Variants in TAFA5 observed in about 807,000 individuals in gnomAD.
The protein encoded by TAFA5 is chemokine-like protein TAFA-5.
In TAFA5, 6 loss-of-function variants were observed where a neutral mutation model predicts 15.3. That is an observed-to-expected ratio of 0.39 (90% confidence interval 0.21 to 0.77). The LOEUF is 0.77. Among genes scored for constraint, TAFA5 ranks in the 30% least tolerant of loss-of-function variants. TAFA5 has a pLI of 0.41. For missense variants in TAFA5, 161 were observed against 193.1 expected, an observed-to-expected ratio of 0.83 and a Z score of 0.98; for synonymous variants, 103 against 80.7, an observed-to-expected ratio of 1.28 and a Z score of -1.48.
At chr22:48,599,676 G>T (rs892979748) in intron 1 of TAFA5, among the ~76,000 whole-genome samples, 1 of 152,260 alleles carries the variant, frequency 6.6e-6, no homozygotes, top group Non-Finnish European at 1.5e-5. Flanking sequence ...TGGAGGGTTT[G>T]GGAGCTGCCA....
chr22:48,742,534 T>C lies in TAFA5; in HGVS notation c.391-7305T>C, dbSNP rs1190907935. 1.3e-5 allele frequency among the ~76,000 whole-genome samples: 2 copies of C among 151,600 alleles called. No individual in the cohort carries two copies. The highest frequency in any genetic ancestry group is 4.8e-5 in the African/African-American group (2 of 41,280). On this transcript the variant is annotated intron_variant, in intron 3 of 3. Coordinates refer to ENST00000402357, the MANE Select transcript of TAFA5 (RefSeq NM_001082967.3). The surrounding 1 kb of genome is among the most constrained non-coding windows in gnomAD (Gnocchi z 6.2). ...TGGCGTGGCAGACCAGGCGACGTGGTGGACCCGGCCGCATGGTGGACCAGG... is the reference window on the plus strand; with the variant it reads ...TGGCGTGGCAGACCAGGCGACGTGGCGGACCCGGCCGCATGGTGGACCAGG...
chr22:48,561,012 G>A (rs1204052446), intron 1 of TAFA5, among the ~76,000 whole-genome samples: 2 of 152,178 alleles, frequency 1.3e-5, no homozygotes, highest in African/African-American at 2.4e-5. Context: ...CCCTGTGTGG[G>A]TGACACTGGG....
At chr22:48,645,769 G>A (rs541511318) in intron 1 of TAFA5, among the ~76,000 whole-genome samples, 5 of 152,092 alleles carry the variant, frequency 3.3e-5, no homozygotes, top group East Asian at 3.9e-4. Flanking sequence ...GCATGGGCAC[G>A]TGCACCCCTG....
chr22:48,699,259 A>G (rs130121), intron 2 of TAFA5, among the ~76,000 whole-genome samples: 93,930 of 151,944 alleles, frequency 0.62, 29,811 homozygotes, highest in African/African-American at 0.77. Flanking sequence ...GGAAAGACCC[A>G]CCCTACTGTT....
intron 1 of TAFA5, among the ~76,000 whole-genome samples, chr22:48,493,521 T>G (rs192741234): frequency 6.6e-6 from 1 of 152,378 alleles, no homozygotes; most frequent in Admixed American, 6.5e-5. Context: ...GTTCAAATTT[T>G]GTTCTGGAGT....
At chr22:48,586,327 T>C (rs1924359145) in intron 1 of TAFA5, among the ~76,000 whole-genome samples, 1 of 152,256 alleles carries the variant, frequency 6.6e-6, no homozygotes, top group African/African-American at 2.4e-5. Flanking sequence ...TTGCAGGTCT[T>C]GTGCTCCTCC....
chr22:48,551,586 A>T (rs112557328), intron 1 of TAFA5, among the ~76,000 whole-genome samples: 1 of 152,162 alleles, frequency 6.6e-6, no homozygotes, highest in African/African-American at 2.4e-5. Context: ...TTCAGCTCTA[A>T]ATATAGACCT....
At chr22:48,540,479 G>C (rs9615339) in intron 1 of TAFA5, among the ~76,000 whole-genome samples, 81,017 of 152,026 alleles carry the variant, frequency 0.53, 24,313 homozygotes, top group Middle Eastern at 0.72. Flanking sequence ...CTGGTCCCCT[G>C]AGGTCTAATG....
At chr22:48,578,093 T>C (rs1341361228) in intron 1 of TAFA5, among the ~76,000 whole-genome samples, 1 of 152,208 alleles carries the variant, frequency 6.6e-6, no homozygotes, top group African/African-American at 2.4e-5. Flanking sequence ...GGCCTGTTTG[T>C]GTTCGCGCTG....
At chr22:48,630,366 G>A (rs1007706694) in intron 1 of TAFA5, among the ~76,000 whole-genome samples, 17 of 152,300 alleles carry the variant, frequency 1.1e-4, no homozygotes, top group Non-Finnish European at 1.9e-4. Flanking sequence ...AGGGGCAGGC[G>A]CCCAGAGCTG....
At chr22:48,713,286 A>G (rs1221901565) in intron 3 of TAFA5, among the ~76,000 whole-genome samples, 1 of 152,238 alleles carries the variant, frequency 6.6e-6, no homozygotes, top group Non-Finnish European at 1.5e-5. Flanking sequence ...TGCAGACGGC[A>G]GCTGCCGCTG....
intron 3 of TAFA5, among the ~76,000 whole-genome samples, chr22:48,711,915 C>T (rs1215645429): frequency 1.3e-5 from 2 of 152,248 alleles, no homozygotes; most frequent in Non-Finnish European, 2.9e-5. Context: ...GAGTGTGGGT[C>T]GCCTAGCACG....
intron 3 of TAFA5, among the ~76,000 whole-genome samples, chr22:48,744,953 A>G (rs1385041535): frequency 2.0e-5 from 3 of 152,100 alleles, no homozygotes; most frequent in Admixed American, 6.5e-5. Context: ...ACGGGGTTTC[A>G]CCGTGTTAGT....
rs948915017 is a variant in TAFA5, at chr22:48,552,951, C to A, written c.112+63247C>A. On this transcript the variant is annotated intron_variant, in intron 1 of 3. Coordinates refer to ENST00000402357, the MANE Select transcript of TAFA5 (RefSeq NM_001082967.3). This position sits in a 1 kb window ranked among gnomAD's most constrained non-coding sequence, Gnocchi z 4.1. ...CCAGAGACTCAGACCTGGGGCTGATCTGAGGGGGGCTCGTCCCCAACCACC... is the reference window on the plus strand; with the variant it reads ...CCAGAGACTCAGACCTGGGGCTGATATGAGGGGGGCTCGTCCCCAACCACC... Among the ~76,000 whole-genome samples, 11 of 152,108 alleles carry A rather than the reference C, an allele frequency of 7.2e-5. No homozygotes were observed. The highest frequency in any genetic ancestry group is 2.4e-4 in the African/African-American group (10 of 41,428).
intron 1 of TAFA5, among the ~76,000 whole-genome samples, chr22:48,572,910 T>C (rs1923638761): frequency 6.6e-6 from 1 of 152,254 alleles, no homozygotes. Flanking sequence ...GTCATAGTTA[T>C]GGCTGAAGTA....
Position 48,730,301 on chromosome 22 carries a change from G to A in TAFA5, c.391-19538G>A, listed in dbSNP as rs576274869. Among the ~76,000 whole-genome samples, 10 of 152,114 alleles carry A rather than the reference G, an allele frequency of 6.6e-5. No homozygotes were observed. In the East Asian group the frequency reaches 9.7e-4, roughly 15 times the overall value. Reference sequence around the variant, plus strand: ...TTCAGGAGGCTGAGGCAGGGGAATCGCTTGAACCCGGGAGGTGGAGGTTAC... The same window carrying A: ...TTCAGGAGGCTGAGGCAGGGGAATCACTTGAACCCGGGAGGTGGAGGTTAC... On this transcript the variant is annotated intron_variant, in intron 3 of 3. Coordinates refer to ENST00000402357, the MANE Select transcript of TAFA5 (RefSeq NM_001082967.3).
chr22:48,510,804 T>C (rs1921182539), intron 1 of TAFA5, among the ~76,000 whole-genome samples: 1 of 152,260 alleles, frequency 6.6e-6, no homozygotes, highest in Non-Finnish European at 1.5e-5. Flanking sequence ...GAGGCCTGCG[T>C]TCCTGCTGTT....
At chr22:48,542,325 ATG>A (rs1251020555) in intron 1 of TAFA5, among the ~76,000 whole-genome samples, 4 of 51,992 alleles carry the variant, frequency 7.7e-5, no homozygotes, top group East Asian at 1.4e-3. Flanking sequence ...TGTGTGTGTG[ATG>A]TGTGTGGTGT....
At chr22:48,649,910 A>G (rs1006547478) in intron 2 of TAFA5, among the ~76,000 whole-genome samples, 2 of 152,034 alleles carry the variant, frequency 1.3e-5, no homozygotes, top group Admixed American at 6.6e-5. Context: ...ATCTGAAACC[A>G]CATTCACTTT....
Sources: allele counts gnomAD v4.1 joint callset (sites outside exome capture counted in the v4.1 genomes callset), GRCh38; gene constraint gnomAD v4.1.1; non-coding constraint Gnocchi (gnomAD v3.1); transcripts MANE v1.5; gene names NCBI Gene and HGNC (gene_info 2026-07-23, HGNC 2026-07-21).